Variants in IL23R observed in about 807,000 individuals in gnomAD.
IL23R encodes the protein interleukin-23 receptor.
A neutral mutation model predicts 56.9 loss-of-function variants in IL23R; 34 were observed. The ratio of observed to expected loss-of-function variants is 0.60; its 90% CI spans 0.45 to 0.80. The LOEUF (loss-of-function observed/expected upper bound fraction) is 0.80. Among genes scored for constraint, IL23R ranks in the 30% least tolerant of loss-of-function variants. The pLI is 0.00. For missense variants in IL23R, 635 were observed against 730.0 expected, an observed-to-expected ratio of 0.87 and a Z score of 1.50; for synonymous variants, 230 against 249.2, an observed-to-expected ratio of 0.92 and a Z score of 0.73.
At chr1:67,144,798 T>C (rs536876265) in intron 1 of IL23R, among the ~76,000 whole-genome samples, 1 of 152,280 alleles carries the variant, frequency 6.6e-6, no homozygotes, top group East Asian at 1.9e-4. Context: ...CCCTACATAA[T>C]CTCACCCATA....
intron 1 of IL23R, among the ~76,000 whole-genome samples, chr1:67,139,675 T>G (rs1181997241): frequency 6.6e-6 from 1 of 152,232 alleles, no homozygotes; most frequent in Non-Finnish European, 1.5e-5. Flanking sequence ...AACTTTAATC[T>G]CCAGTGTGGC....
At chr1:67,247,407 G>A (rs1652303580) in intron 9 of IL23R, among the ~76,000 whole-genome samples, 1 of 151,758 alleles carries the variant, frequency 6.6e-6, no homozygotes, top group Admixed American at 6.6e-5. Context: ...CAGGTGCAAG[G>A]GATTCTCCTG....
chr1:67,148,376 C>T (rs771038858), intron 1 of IL23R, among the ~76,000 whole-genome samples: 4 of 152,244 alleles, frequency 2.6e-5, no homozygotes, highest in Non-Finnish European at 5.9e-5. Context: ...TTCCCCTGCC[C>T]GCTCGAATTC....
chr1:67,170,523 C>T (rs1344313478), intron 3 of IL23R, among the ~76,000 whole-genome samples: 1 of 152,010 alleles, frequency 6.6e-6, no homozygotes, highest in Non-Finnish European at 1.5e-5. Context: ...TCTGAGTGTC[C>T]TGGAGGTGTT....
At chr1:67,162,231 C>T (rs1057484436), upstream of IL23R, among the ~76,000 whole-genome samples, 2 of 151,630 alleles carry the variant, frequency 1.3e-5, no homozygotes, top group Non-Finnish European at 2.9e-5. Context: ...TTTGGGAGGC[C>T]GAGGCAGACG....
chr1:67,161,083 A>G (rs780531089), intron 1 of IL23R, among the ~76,000 whole-genome samples: 1 of 152,188 alleles, frequency 6.6e-6, no homozygotes, highest in African/African-American at 2.4e-5. Context: ...GCATTTCTGA[A>G]ATGGCCTTTT....
chr1:67,228,059 T>C lies in IL23R; in HGVS notation c.955+8329T>C, dbSNP rs755799566. 2.8e-3 allele frequency among the ~76,000 whole-genome samples: 230 copies of C among 80,760 alleles called. 35 individuals carry two copies. The highest frequency in any genetic ancestry group is 0.013 in the African/African-American group (213 of 16,336). The allele number at this position is 80,760 out of a possible 152,430, so 53.0% of individuals were successfully genotyped here. A position where few individuals can be genotyped will look rare whatever the true frequency, so the allele number is the denominator to read the frequency against. ...TCTTTCTTTCTCTTTCTTTCTTTCT[T>C]TCTCTGTCTCTCTCTTTCTTTCTTT... is the stretch of plus-strand genomic sequence containing the variant. On this transcript the variant is annotated intron_variant, in intron 7 of 10. Transcript: ENST00000347310.
intron 4 of IL23R, among the ~76,000 whole-genome samples, chr1:67,184,933 A>G (rs1325254653): frequency 6.6e-6 from 1 of 152,202 alleles, no homozygotes; most frequent in South Asian, 2.1e-4. Context: ...TTGCCCTTCC[A>G]TAAGAGGCCT....
rs1647171975 is a variant in IL23R, at chr1:67,182,868, G to A, written c.400G>A (p.Val134Ile). The A allele has an allele frequency of 1.2e-6, 2 of 1,614,050 alleles. No individual in the cohort carries two copies. The highest frequency in any genetic ancestry group is 3.3e-4 in the Middle Eastern group (2 of 6,060). Residue 134 changes from valine (V) to isoleucine (I), a missense_variant, in exon 4 of 11, where the codon GTC (valine) becomes ATC (isoleucine). By Grantham distance (29) the Val-to-Ile change is conservative (BLOSUM62 3). Coordinates refer to ENST00000347310, the MANE Select transcript of IL23R (RefSeq NM_144701.3). ...PPDIPDEVTC[V>I]IYEYSGNMTC... ...AGATATTCCTGATGAAGTAACCTGT[G>A]TCATTTATGAATATTCAGGCAACAT...
Position 67,207,008 on chromosome 1 carries a change from G to T in IL23R, c.751G>T (p.Val251Phe). The T allele has an allele frequency of 6.2e-7, 1 of 1,612,176 alleles. No individual in the cohort carries two copies. The highest frequency in any genetic ancestry group is 8.5e-7 in the Non-Finnish European group (1 of 1,179,342). The part of the protein sequence containing the change: ...YWDSQTTIEK[V>F]SCEMRYKATT... ...GGATAGTCAAACAACAATTGAAAAG[G>T]TTTCCTGTGAAATGAGATACAAGGC... The change falls in exon 6 of 11, where the codon GTT (valine) becomes TTT (phenylalanine). Residue 251 changes from valine to phenylalanine, a missense_variant. Coordinates refer to ENST00000347310, the MANE Select transcript of IL23R (RefSeq NM_144701.3).
chr1:67,152,776 C>G (rs1191386948), intron 1 of IL23R, among the ~76,000 whole-genome samples: 1 of 152,110 alleles, frequency 6.6e-6, no homozygotes, highest in Non-Finnish European at 1.5e-5. Flanking sequence ...ATTGAACCAG[C>G]CTAGCATCCC....
At position 67,153,414 on chromosome 1, in the gene IL23R, T is replaced by G. The variant is rs773778074; in HGVS notation, c.-634+14253T>G. Among the ~76,000 whole-genome samples, 36 of 151,682 alleles carry G rather than the reference T, an allele frequency of 2.4e-4. 1 individual carries two copies. The highest frequency in any genetic ancestry group is 4.0e-4 in the Non-Finnish European group (27 of 68,018). ...GAAAATCAGCTCCTGGATTCATCGATTTTTTGAAGGGTTTTTTGTGTCTCT... is the reference window on the plus strand; with the variant it reads ...GAAAATCAGCTCCTGGATTCATCGAGTTTTTGAAGGGTTTTTTGTGTCTCT... On this transcript the variant is annotated intron_variant, in intron 1 of 10. Transcript: ENST00000637002.
chr1:67,209,541 T>C (rs927473391), intron 6 of IL23R, among the ~76,000 whole-genome samples: 1 of 152,176 alleles, frequency 6.6e-6, no homozygotes, highest in Non-Finnish European at 1.5e-5. Flanking sequence ...TTTTCCTCAT[T>C]TTCTCTTGCT....
At chr1:67,176,925 T>C (rs1647018154) in intron 3 of IL23R, among the ~76,000 whole-genome samples, 1 of 152,214 alleles carries the variant, frequency 6.6e-6, no homozygotes, top group African/African-American at 2.4e-5. Flanking sequence ...GCTTCATCCA[T>C]GTCCCTACAA....
At chr1:67,224,781 A>G (rs1650508672) in intron 7 of IL23R, among the ~76,000 whole-genome samples, 1 of 152,274 alleles carries the variant, frequency 6.6e-6, no homozygotes, top group Non-Finnish European at 1.5e-5. Flanking sequence ...TATAATAGCA[A>G]GAGGCCAATT....
At chr1:67,193,010 A>G (rs188715736) in intron 4 of IL23R, among the ~76,000 whole-genome samples, 77 of 152,228 alleles carry the variant, frequency 5.1e-4, no homozygotes, top group Non-Finnish European at 8.4e-4. Flanking sequence ...AGTCTTCTAA[A>G]CTTTCCCCTC....
chr1:67,179,253 T>C (rs1412140577), intron 3 of IL23R, among the ~76,000 whole-genome samples: 1 of 152,168 alleles, frequency 6.6e-6, no homozygotes, highest in Non-Finnish European at 1.5e-5. Flanking sequence ...GTCCTGGACT[T>C]TTTTTGGTTG....
At chr1:67,189,706 A>T (rs560414637) in intron 4 of IL23R, among the ~76,000 whole-genome samples, 2 of 152,330 alleles carry the variant, frequency 1.3e-5, no homozygotes, top group East Asian at 3.9e-4. Flanking sequence ...GCACTTTGGG[A>T]GGCTGAGGCA....
In IL23R at chr1:67,259,906, C is replaced by A. The variant is rs937048907; in HGVS notation, c.*778C>A. On this transcript the variant is annotated 3_prime_UTR_variant, in exon 11 of 11. Coordinates refer to ENST00000347310, the MANE Select transcript of IL23R (RefSeq NM_144701.3). ...TTGAACCAGGAAGGCAGAGGTTGCA[C>A]TGAGCTGAGATTGTGCCACTGCACT... is the stretch of plus-strand genomic sequence containing the variant. 1 of 133,036 alleles carries A rather than the reference C, an allele frequency of 7.5e-6. No individual in the cohort carries two copies. Among genetic ancestry groups the A allele is most frequent in the East Asian group, 2.4e-4 (1 of 4,100 alleles). 8.2% of individuals were successfully genotyped at this position (133,036 alleles called of 1,614,324 possible).
Sources: allele counts gnomAD v4.1 joint callset (sites outside exome capture counted in the v4.1 genomes callset), GRCh38; gene constraint gnomAD v4.1.1; transcripts MANE v1.5; gene names NCBI Gene and HGNC (gene_info 2026-07-23, HGNC 2026-07-21).